The following CCDC171 variants were observed in gnomAD, a reference collection of about 807,000 sequenced individuals.
CCDC171 encodes coiled-coil domain containing 171.
A neutral mutation model predicts 168.2 loss-of-function variants in CCDC171; 177 were observed. The observed-to-expected ratio is 1.05, with a 90% CI of 0.93 to 1.19. The LOEUF (loss-of-function observed/expected upper bound fraction) is 1.19, where lower values mean the gene tolerates loss of function less well. Among genes scored for constraint, CCDC171 ranks in the 50% most tolerant of loss-of-function variants. The pLI is 0.00. For missense variants in CCDC171, 1,991 were observed against 1,539.0 expected, an observed-to-expected ratio of 1.29 and a Z score of -4.91; for synonymous variants, 687 against 540.8, an observed-to-expected ratio of 1.27 and a Z score of -3.75.
intron 19 of CCDC171, among the ~76,000 whole-genome samples, chr9:15,778,144 A>G (rs200330365): frequency 6.6e-6 from 1 of 150,626 alleles, no homozygotes; most frequent in East Asian, 2.0e-4. Flanking sequence ...AAAAATACAA[A>G]AAATTAGCCC....
At position 15,920,392 on chromosome 9, in the gene CCDC171, T is replaced by C; in HGVS notation, c.3723T>C (p.Ala1241=). The C allele has an allele frequency of 6.2e-7, 1 of 1,607,668 alleles. No individual in the cohort carries two copies. The highest frequency in any genetic ancestry group is 8.5e-7 in the Non-Finnish European group (1 of 1,176,198). The change falls in exon 25 of 26, where the codon GCT becomes GCC. Residue 1241 remains alanine, a synonymous_variant. Coordinates refer to ENST00000380701, the MANE Select transcript of CCDC171 (RefSeq NM_173550.4). The part of the protein sequence containing the change: ...IAALKSELHT[A]CLRENASLQS... ...CCTTGAAATCAGAACTTCACACAGC[T>C]TGTTTACGTGAAAATGCAAGTTTAC...
intron 10 of CCDC171, among the ~76,000 whole-genome samples, chr9:15,686,000 C>A (rs977950594): frequency 2.0e-5 from 3 of 152,056 alleles, no homozygotes; most frequent in African/African-American, 7.2e-5. Flanking sequence ...ACTATTCAAT[C>A]TTTTCTGCCT....
At chr9:16,033,702 C>A (rs189473651) in intron 6 of CCDC171, among the ~76,000 whole-genome samples, 1 of 148,660 alleles carries the variant, frequency 6.7e-6, no homozygotes, top group Non-Finnish European at 1.5e-5. Context: ...CACCCCCTGT[C>A]TGTGGAAAAA....
intron 10 of CCDC171, among the ~76,000 whole-genome samples, chr9:15,684,940 G>T (rs570004885): frequency 1.3e-5 from 2 of 152,120 alleles, no homozygotes; most frequent in Non-Finnish European, 2.9e-5. Context: ...GGGTCATGTT[G>T]GGTGATGAGT....
intron 3 of CCDC171, among the ~76,000 whole-genome samples, chr9:15,572,339 T>C (rs2040297915): frequency 6.6e-6 from 1 of 152,192 alleles, no homozygotes; most frequent in Non-Finnish European, 1.5e-5. Context: ...CTGATAAGTC[T>C]TATTTATTCT....
chr9:15,700,217 C>T (rs180918389), intron 11 of CCDC171, among the ~76,000 whole-genome samples: 3,309 of 152,328 alleles, frequency 0.022, 127 homozygotes, highest in African/African-American at 0.075. Context: ...GGTGAGAAAT[C>T]GAGCACAGCG....
At chr9:16,054,656 A>G (rs529443549) in intron 1 of CCDC171, among the ~76,000 whole-genome samples, 21 of 152,226 alleles carry the variant, frequency 1.4e-4, no homozygotes, top group Non-Finnish European at 2.4e-4. Context: ...TTCAAAAAAT[A>G]TATTTTTTAA....
At chr9:15,587,086 T>G (rs2041624616) in intron 4 of CCDC171, among the ~76,000 whole-genome samples, 1 of 152,212 alleles carries the variant, frequency 6.6e-6, no homozygotes, top group East Asian at 1.9e-4. Flanking sequence ...ATGCTGGGAT[T>G]ACACGTGTGA....
At chr9:15,580,015 A>T (rs1250793582) in intron 4 of CCDC171, among the ~76,000 whole-genome samples, 1 of 152,212 alleles carries the variant, frequency 6.6e-6, no homozygotes, top group Non-Finnish European at 1.5e-5. Flanking sequence ...CTGGTATAAA[A>T]ACAGGCATGG....
intron 6 of CCDC171, among the ~76,000 whole-genome samples, chr9:15,597,833 G>C (rs1412279697): frequency 6.6e-6 from 1 of 152,060 alleles, no homozygotes; most frequent in African/African-American, 2.4e-5. Context: ...GCCTGTTATT[G>C]GTTTACTCAG....
At chr9:15,933,423 G>A (rs908831747) in intron 25 of CCDC171, among the ~76,000 whole-genome samples, 2 of 151,446 alleles carry the variant, frequency 1.3e-5, no homozygotes, top group Non-Finnish European at 2.9e-5. Flanking sequence ...CTTGCTAAAG[G>A]TTTGTCAATT....
At chr9:15,877,559 A>C (rs1423901440) in intron 24 of CCDC171, among the ~76,000 whole-genome samples, 1 of 152,122 alleles carries the variant, frequency 6.6e-6, no homozygotes, top group Non-Finnish European at 1.5e-5. Flanking sequence ...GGATGTTCCA[A>C]TGAGGCCATG....
chr9:15,705,792 G>T (rs1185874220), intron 11 of CCDC171, among the ~76,000 whole-genome samples: 1 of 152,136 alleles, frequency 6.6e-6, no homozygotes, highest in Non-Finnish European at 1.5e-5. Flanking sequence ...TTAATCATTA[G>T]TGTATTTTAA....
chr9:16,105,061 C>T, the CCDC171 span, among the ~76,000 whole-genome samples: 890 of 152,276 alleles, frequency 5.8e-3, 11 homozygotes, highest in African/African-American at 0.02. Flanking sequence ...TCATCCCTAC[C>T]AAATTCCCTC....
Position 15,554,063 on chromosome 9 carries a change from A to G in CCDC171, c.-112+761A>G, listed in dbSNP as rs931713416. On this transcript the variant is annotated intron_variant, in intron 1 of 25. Coordinates refer to ENST00000380701, the MANE Select transcript of CCDC171 (RefSeq NM_173550.4). ...GAGATGGAGTCTTGCTCTGTCACCC[A>G]GGCTGGAGTGCAGTGGCGCGATCTC... 3.4e-5 allele frequency among the ~76,000 whole-genome samples: 5 copies of G among 146,882 alleles called. No homozygotes were observed. The East Asian group carries it at 8.0e-4, about 24-fold the overall frequency.
intron 18 of CCDC171, among the ~76,000 whole-genome samples, chr9:15,777,342 G>A (rs1454797638): frequency 6.6e-6 from 1 of 152,174 alleles, no homozygotes; most frequent in African/African-American, 2.4e-5. Context: ...TGAATTTTTA[G>A]TGTCATGCTA....
At chr9:15,836,982 GC>G (rs2136315199) in intron 21 of CCDC171, among the ~76,000 whole-genome samples, 1 of 152,264 alleles carries the variant, frequency 6.6e-6, no homozygotes, top group Non-Finnish European at 1.5e-5. Flanking sequence ...AGCCACATTG[GC>G]CAAATTTGGT....
chr9:15,776,665 G>C (rs1430992763), intron 18 of CCDC171, among the ~76,000 whole-genome samples: 2 of 152,158 alleles, frequency 1.3e-5, no homozygotes, highest in South Asian at 2.1e-4. Flanking sequence ...AGTTCTTTAT[G>C]CCATAGAAAA....
In CCDC171 at chr9:15,989,763, G is replaced by A. The variant is rs564017538; in HGVS notation, n.369-30826G>A. On this transcript the variant is annotated intron_variant and non_coding_transcript_variant, in intron 3 of 9. Coordinates refer to the CCDC171 transcript ENST00000486641. ...CTGATGGAGCTGAAAACCCTGGCACGAGAACTAGGTGACAAATGCACAAGC... is the reference window on the plus strand; with the variant it reads ...CTGATGGAGCTGAAAACCCTGGCACAAGAACTAGGTGACAAATGCACAAGC... Among the ~76,000 whole-genome samples the A allele has an allele frequency of 9.2e-5, 14 of 152,180 alleles. No homozygotes were observed. The South Asian group carries it at 2.1e-3, about 23-fold the overall frequency.
Sources: allele counts gnomAD v4.1 joint callset (sites outside exome capture counted in the v4.1 genomes callset), GRCh38; gene constraint gnomAD v4.1.1; transcripts MANE v1.5; gene names NCBI Gene and HGNC (gene_info 2026-07-23, HGNC 2026-07-21).